The following MTFR1 variants were observed in gnomAD, a reference collection of about 807,000 sequenced individuals.
The protein encoded by MTFR1 is chondrocyte protein with a poly-proline region.
MTFR1 carries 28 observed loss-of-function variants against 38.8 expected under a neutral mutation model. The observed-to-expected ratio is 0.72, with a 90% CI of 0.53 to 0.99. The LOEUF is 0.99. Ranked by LOEUF, MTFR1 falls within the 50% of genes least tolerant of loss-of-function variation. The pLI is 0.00. For synonymous variants in MTFR1, 145 were observed against 137.0 expected (o/e 1.06, Z -0.41); for missense variants, 358 against 395.5 (o/e 0.91, Z 0.81).
chr8:65,648,927 C>T (rs1345477385), intron 1 of MTFR1, among the ~76,000 whole-genome samples: 1 of 151,992 alleles, frequency 6.6e-6, no homozygotes, highest in East Asian at 1.9e-4. Context: ...TTTCACCTCC[C>T]TCCCTTGGTT....
At chr8:65,698,539 A>G (rs531306260) in intron 4 of MTFR1, among the ~76,000 whole-genome samples, 1 of 152,120 alleles carries the variant, frequency 6.6e-6, no homozygotes, top group Non-Finnish European at 1.5e-5. Context: ...CAAATTTTTT[A>G]AAAATGGAAT....
At chr8:65,644,176 AG>A (rs777671310), upstream of MTFR1, among the ~76,000 whole-genome samples, 10 of 152,310 alleles carry the variant, frequency 6.6e-5, no homozygotes, top group Non-Finnish European at 1.2e-4. Flanking sequence ...ATCTTTAGAA[AG>A]CACGTGCCCC....
chr8:65,675,160 G>A (rs1269068102), intron 2 of MTFR1, among the ~76,000 whole-genome samples: 2 of 152,128 alleles, frequency 1.3e-5, no homozygotes, highest in African/African-American at 2.4e-5. Context: ...GCATGGTAGC[G>A]CATGCCCGTA....
At chr8:65,757,921 C>T (rs1808313713) in intron 3 of MTFR1, among the ~76,000 whole-genome samples, 1 of 152,158 alleles carries the variant, frequency 6.6e-6, no homozygotes, top group African/African-American at 2.4e-5. Flanking sequence ...CCAGCCAACT[C>T]CAAGACTTTT....
At chr8:65,733,790 TTAAA>T (rs1807004518) in intron 3 of MTFR1, among the ~76,000 whole-genome samples, 1 of 152,206 alleles carries the variant, frequency 6.6e-6, no homozygotes, top group Non-Finnish European at 1.5e-5. Context: ...CTATGATCTC[TTAAA>T]TAATCAGAAG....
rs948613307 is a variant in MTFR1, at chr8:65,645,704, C to T, written c.-81+920C>T. Among the ~76,000 whole-genome samples, 2 of 136,650 alleles carry T rather than the reference C, an allele frequency of 1.5e-5. 1 individual carries two copies. Among genetic ancestry groups the T allele is most frequent in the Non-Finnish European group, 3.1e-5 (2 of 63,734 alleles). The allele number at this position is 136,650 out of a possible 152,430, so 89.6% of individuals were successfully genotyped here. A position where few individuals can be genotyped will look rare whatever the true frequency, so the allele number is the denominator to read the frequency against. On this transcript the variant is annotated intron_variant, in intron 1 of 7. Coordinates refer to ENST00000262146, the MANE Select transcript of MTFR1 (RefSeq NM_014637.4). ...TCACGCCCGGCTTTCCCCCCCCCCCCCCTTTGTAGAGATGGGGTCTCCTTA... is the reference window on the plus strand; with the variant it reads ...TCACGCCCGGCTTTCCCCCCCCCCCTCCTTTGTAGAGATGGGGTCTCCTTA...
At chr8:65,741,341 A>G (rs1807424830) in intron 3 of MTFR1, among the ~76,000 whole-genome samples, 1 of 152,194 alleles carries the variant, frequency 6.6e-6, no homozygotes, top group Admixed American at 6.5e-5. Context: ...TATAAAAGAC[A>G]TACTAGTCCC....
rs926730066 is a variant in MTFR1 at position 65,664,665 on chromosome 8, C to T, written c.-80-5208C>T. 3.4e-5 allele frequency among the ~76,000 whole-genome samples: 5 copies of T among 147,266 alleles called. No homozygotes were observed. In the Admixed American group the frequency reaches 3.4e-4, roughly 10 times the overall value. On this transcript the variant is annotated intron_variant, in intron 1 of 7. Coordinates refer to ENST00000262146, the MANE Select transcript of MTFR1 (RefSeq NM_014637.4). ...AGGCTGGAGTACAGTGGCACAACCT[C>T]AGCCCATTGCAACTTTTGCCTCCCG...
intron 3 of MTFR1, among the ~76,000 whole-genome samples, chr8:65,684,802 C>T (rs146522365): frequency 0.017 from 2,554 of 151,652 alleles, 78 homozygotes; most frequent in African/African-American, 0.058. Flanking sequence ...GTTGGGAGTT[C>T]GAGACCAGCC....
chr8:65,707,953 A>G lies in MTFR1; in HGVS notation c.875A>G (p.Asp292Gly). 1 of 1,613,996 alleles carries G rather than the reference A, an allele frequency of 6.2e-7. No homozygotes were observed. The highest frequency in any genetic ancestry group is 8.5e-7 in the Non-Finnish European group (1 of 1,179,976). ...TATCGGTATCGAAGTGATAGCCAAG[A>G]TGAAGTTGAAAAAGGAATTCCAAAG... ...FAYRYRSDSQ[D>G]EVEKGIPKSE... Residue 292 changes from aspartate (D) to glycine (G), a missense_variant, in exon 7 of 8, where the codon GAT becomes GGT. Asp to Gly is a moderately conservative substitution (Grantham distance 94). Coordinates refer to ENST00000262146, the MANE Select transcript of MTFR1 (RefSeq NM_014637.4).
downstream of MTFR1, among the ~76,000 whole-genome samples, chr8:65,710,897 A>G (rs927659931): frequency 3.3e-5 from 5 of 152,252 alleles, no homozygotes; most frequent in Middle Eastern, 3.4e-3. Flanking sequence ...GACCTTAAGA[A>G]TAGTTATACC....
chr8:65,713,173 G>A (rs188871824), downstream of MTFR1, among the ~76,000 whole-genome samples: 7 of 152,312 alleles, frequency 4.6e-5, no homozygotes, highest in East Asian at 1.3e-3. Context: ...GAGTGCCGTG[G>A]CTCACGCCTA....
intron 2 of MTFR1, chr8:65,682,073 T>C (rs1192613412): frequency 5.8e-6 from 1 of 172,186 alleles, no homozygotes; most frequent in East Asian, 1.5e-4. Flanking sequence ...GAAAATAAAA[T>C]TTTTACTGTA....
At chr8:65,739,281 G>A (rs1414792219) in intron 3 of MTFR1, among the ~76,000 whole-genome samples, 1 of 152,134 alleles carries the variant, frequency 6.6e-6, no homozygotes, top group African/African-American at 2.4e-5. Flanking sequence ...CCCACCTGTT[G>A]CTGTCTGCAG....
intron 2 of MTFR1, among the ~76,000 whole-genome samples, chr8:65,716,012 A>AG (rs1411497534): frequency 6.8e-6 from 1 of 147,224 alleles, no homozygotes; most frequent in East Asian, 2.0e-4. Context: ...AAAAAAAAAA[A>AG]AAAAAAAAAA....
chr8:65,754,488 C>A (rs1238700815), intron 3 of MTFR1, among the ~76,000 whole-genome samples: 1 of 151,686 alleles, frequency 6.6e-6, no homozygotes, highest in Non-Finnish European at 1.5e-5. Context: ...CAGGTGCCCA[C>A]CACCATGCCC....
intron 3 of MTFR1, chr8:65,739,449 G>T: frequency 6.7e-7 from 1 of 1,495,084 alleles, no homozygotes; most frequent in Non-Finnish European, 8.9e-7. Context: ...AACTTAAACA[G>T]GTTCTTGTAT....
intron 1 of MTFR1, among the ~76,000 whole-genome samples, chr8:65,665,249 CA>C (rs1413475305): frequency 1.3e-5 from 2 of 152,046 alleles, no homozygotes; most frequent in African/African-American, 2.4e-5. Flanking sequence ...GATAGGTTTT[CA>C]AACTCCACAT....
intron 3 of MTFR1, among the ~76,000 whole-genome samples, chr8:65,745,240 G>A (rs1807620960): frequency 6.6e-6 from 1 of 152,156 alleles, no homozygotes; most frequent in Non-Finnish European, 1.5e-5. Flanking sequence ...CAATTACCCA[G>A]TCTCGGGTAT....
Sources: allele counts gnomAD v4.1 joint callset (sites outside exome capture counted in the v4.1 genomes callset), GRCh38; gene constraint gnomAD v4.1.1; transcripts MANE v1.5; gene names NCBI Gene and HGNC (gene_info 2026-07-23, HGNC 2026-07-21).